Variants in GSE1 observed in about 807,000 individuals in gnomAD.
GSE1 encodes Gse1 coiled-coil protein.
A neutral mutation model predicts 112.6 loss-of-function variants in GSE1; 32 were observed. That is an observed-to-expected ratio of 0.28 (90% confidence interval 0.21 to 0.38). GSE1 has a LOEUF of 0.38. GSE1 is among the 10% of genes least tolerant of loss of function. GSE1 has a pLI of 1.00. For synonymous variants in GSE1, 1,115 were observed against 735.6 expected (o/e 1.52, Z -8.35); for missense variants, 2,348 against 1,699.2 (o/e 1.38, Z -6.71).
chr16:85,630,518 T>G (rs1456800203), intron 1 of GSE1, among the ~76,000 whole-genome samples: 1 of 152,204 alleles, frequency 6.6e-6, no homozygotes, highest in Non-Finnish European at 1.5e-5. Flanking sequence ...ACAGCGTCTA[T>G]GCTGCCCAGG....
At chr16:85,543,709 G>A (rs1304756580) in intron 2 of GSE1, among the ~76,000 whole-genome samples, 1 of 152,224 alleles carries the variant, frequency 6.6e-6, no homozygotes, top group Non-Finnish European at 1.5e-5. Flanking sequence ...GCAGCTGTTG[G>A]CTCAAGGCCA....
chr16:85,619,354 A>C (rs765696075), intron 1 of GSE1, among the ~76,000 whole-genome samples: 5 of 151,666 alleles, frequency 3.3e-5, no homozygotes, highest in Admixed American at 6.6e-5. Context: ...GATGTTGGAC[A>C]GGTTAAGCCG....
chr16:85,613,789 G>A (rs2048166084), intron 1 of GSE1, among the ~76,000 whole-genome samples: 1 of 151,262 alleles, frequency 6.6e-6, no homozygotes, highest in African/African-American at 2.4e-5. Context: ...CGGCGACGCG[G>A]GAGGGAGCGA....
intron 2 of GSE1, among the ~76,000 whole-genome samples, chr16:85,509,584 C>T (rs1484345733): frequency 2.6e-5 from 4 of 152,234 alleles, no homozygotes; most frequent in Non-Finnish European, 4.4e-5. Context: ...TTTGCGGGTG[C>T]CTGATGACTG....
intron 1 of GSE1, among the ~76,000 whole-genome samples, chr16:85,570,994 C>CTTCAAATTCAAAA (rs2045958406): frequency 6.6e-6 from 1 of 152,126 alleles, no homozygotes; most frequent in African/African-American, 2.4e-5. Flanking sequence ...GATTCTGAAG[C>CTTCAAATTCAAAA]GTTGGTTACT....
intron 2 of GSE1, among the ~76,000 whole-genome samples, chr16:85,465,376 C>T (rs2050095263): frequency 6.6e-6 from 1 of 152,228 alleles, no homozygotes; most frequent in African/African-American, 2.4e-5. Flanking sequence ...AGCGCCAGGC[C>T]TGGGCTCCCA....
chr16:85,428,136 C>T (rs1400025622), intron 2 of GSE1, among the ~76,000 whole-genome samples: 1 of 152,156 alleles, frequency 6.6e-6, no homozygotes, highest in Non-Finnish European at 1.5e-5. Context: ...TGCATCTCGC[C>T]CACCCTTGTC....
chr16:85,225,021 C>T (rs962190903), intron 1 of GSE1, among the ~76,000 whole-genome samples: 7 of 151,918 alleles, frequency 4.6e-5, no homozygotes, highest in Non-Finnish European at 7.4e-5. Flanking sequence ...GCCCCAGCTA[C>T]GTGGGAGGCT....
At chr16:85,241,905 C>T (rs1905199912) in intron 1 of GSE1, among the ~76,000 whole-genome samples, 1 of 152,088 alleles carries the variant, frequency 6.6e-6, no homozygotes, top group African/African-American at 2.4e-5. Flanking sequence ...GCATCCTGTC[C>T]TCCCTTCATG....
intron 1 of GSE1, among the ~76,000 whole-genome samples, chr16:85,613,802 G>A (rs957374050): frequency 4.6e-5 from 7 of 150,866 alleles, no homozygotes; most frequent in African/African-American, 1.2e-4. Context: ...GGGAGCGAAT[G>A]GGGGTGGCTG....
At chr16:85,287,169 G>C (rs1022455742) in intron 1 of GSE1, among the ~76,000 whole-genome samples, 1 of 152,222 alleles carries the variant, frequency 6.6e-6, no homozygotes, top group Non-Finnish European at 1.5e-5. Context: ...GGCGAGTGCC[G>C]GGGTCTGTTT....
intron 1 of GSE1, among the ~76,000 whole-genome samples, chr16:85,616,995 C>T (rs1366141240): frequency 1.3e-5 from 2 of 152,190 alleles, no homozygotes; most frequent in Admixed American, 1.3e-4. Flanking sequence ...AGCTCTGATT[C>T]CCCACCAGCC....
At chr16:85,246,159 C>T (rs1421984963) in intron 1 of GSE1, among the ~76,000 whole-genome samples, 8 of 146,504 alleles carry the variant, frequency 5.5e-5, no homozygotes, top group Non-Finnish European at 8.9e-5. Flanking sequence ...CATGGGGTGC[C>T]GTGGAGGCCC....
chr16:85,442,441 G>A lies in GSE1; in HGVS notation c.2464+84798G>A, dbSNP rs75086364. Among the ~76,000 whole-genome samples, 11 of 150,356 alleles carry A rather than the reference G, an allele frequency of 7.3e-5. No homozygotes were observed. The South Asian group carries it at 1.3e-3, about 17-fold the overall frequency. On this transcript the variant is annotated intron_variant, in intron 2 of 2. Coordinates refer to the GSE1 transcript ENST00000637419. ...TGGACAAATGTTTATTGAATGAATG[G>A]ATGAATGAATGAATGAATGAATGAA...
chr16:85,568,942 C>G (rs773629269), intron 1 of GSE1, among the ~76,000 whole-genome samples: 5 of 152,182 alleles, frequency 3.3e-5, no homozygotes, highest in Non-Finnish European at 5.9e-5. Context: ...TTAGAGCCTC[C>G]TGGGAAGGAT....
Position 85,654,268 on chromosome 16 carries a change from C to A in GSE1, c.427-10C>A. ...GGCTCCTGCCCTGACTGGACGCTCT[C>A]CTCCCGCAGGATGCCGGCTCCAGGA... On this transcript the variant is annotated splice_polypyrimidine_tract_variant and intron_variant, in intron 3 of 15. Transcript: ENST00000253458. The A allele has an allele frequency of 1.3e-6, 2 of 1,583,946 alleles. No individual in the cohort carries two copies. Among genetic ancestry groups the A allele is most frequent in the Non-Finnish European group, 1.7e-6 (2 of 1,166,288 alleles).
intron 2 of GSE1, chr16:85,489,949 G>A (rs2050959209): frequency 6.6e-6 from 1 of 152,346 alleles, no homozygotes; most frequent in East Asian, 1.9e-4. Flanking sequence ...CCCACCGGGA[G>A]TGGGAATGAG....
chr16:85,493,018 C>T (rs2051058785), intron 2 of GSE1, among the ~76,000 whole-genome samples: 1 of 152,134 alleles, frequency 6.6e-6, no homozygotes, highest in Admixed American at 6.5e-5. Flanking sequence ...AGAGCTAGTG[C>T]AGGGTATGGA....
In GSE1 at chr16:85,445,419, G is replaced by T. The variant is rs574838934; in HGVS notation, c.2464+87776G>T. On this transcript the variant is annotated intron_variant, in intron 2 of 2. Coordinates refer to the GSE1 transcript ENST00000637419. ...GGCTGGACCAGCCCTCAGAGTGCTCGCTGGCGGCCACGCACAGCGAGGGGG... is the reference window on the plus strand; with the variant it reads ...GGCTGGACCAGCCCTCAGAGTGCTCTCTGGCGGCCACGCACAGCGAGGGGG... 7.2e-5 allele frequency among the ~76,000 whole-genome samples: 11 copies of T among 152,326 alleles called. No homozygotes were observed. In the East Asian group the frequency reaches 2.1e-3, roughly 29 times the overall value.
Sources: allele counts gnomAD v4.1 joint callset (sites outside exome capture counted in the v4.1 genomes callset), GRCh38; gene constraint gnomAD v4.1.1; transcripts MANE v1.5; gene names NCBI Gene and HGNC (gene_info 2026-07-23, HGNC 2026-07-21).